The following LRFN5 variants were observed in gnomAD, a reference collection of about 807,000 sequenced individuals.
The protein encoded by LRFN5 is leucine-rich repeat and fibronectin type-III domain-containing protein 5.
LRFN5 carries 24 observed loss-of-function variants against 45.6 expected under a neutral mutation model. The ratio of observed to expected loss-of-function variants is 0.53; its 90% CI spans 0.38 to 0.74. The LOEUF (loss-of-function observed/expected upper bound fraction) is 0.74. Among genes scored for constraint, LRFN5 ranks in the 30% least tolerant of loss-of-function variants. The pLI is 0.00. For synonymous variants in LRFN5, 340 were observed against 313.8 expected (o/e 1.08, Z -0.88); for missense variants, 776 against 861.5 (o/e 0.90, Z 1.24).
intron 1 of LRFN5, among the ~76,000 whole-genome samples, chr14:41,653,578 A>G (rs1880233286): frequency 6.6e-6 from 1 of 152,176 alleles, no homozygotes; most frequent in African/African-American, 2.4e-5. Flanking sequence ...AGAGGGAGAA[A>G]CTGAGTTCAG....
At chr14:41,889,116 A>C (rs3032304) in intron 3 of LRFN5, among the ~76,000 whole-genome samples, 92,285 of 145,218 alleles carry the variant, frequency 0.64, 29,027 homozygotes, top group Middle Eastern at 0.76. Context: ...ATATGTCTCT[A>C]TATATATATA....
At chr14:41,755,613 G>T (rs1427199398) in intron 1 of LRFN5, among the ~76,000 whole-genome samples, 2 of 151,938 alleles carry the variant, frequency 1.3e-5, no homozygotes, top group Non-Finnish European at 2.9e-5. Flanking sequence ...TTTTCCATTT[G>T]CTTGGTAGAT....
chr14:41,651,202 TTTTTAACA>T (rs1351197343), intron 1 of LRFN5, among the ~76,000 whole-genome samples: 1 of 152,152 alleles, frequency 6.6e-6, no homozygotes, highest in Non-Finnish European at 1.5e-5. Flanking sequence ...CTCTCATGGA[TTTTTAACA>T]ACCAGAAACA....
intron 1 of LRFN5, among the ~76,000 whole-genome samples, chr14:41,702,277 G>T (rs1882870288): frequency 6.6e-6 from 1 of 152,074 alleles, no homozygotes. Context: ...GCTCAAGGTG[G>T]CACATGCAGG....
intron 1 of LRFN5, among the ~76,000 whole-genome samples, chr14:41,687,310 C>T (rs570126118): frequency 3.8e-4 from 58 of 152,134 alleles, no homozygotes; most frequent in Admixed American, 9.8e-4. Flanking sequence ...ACAGTCAGAA[C>T]GGCAATTATT....
chr14:41,861,432 G>A (rs1490405911), intron 2 of LRFN5, among the ~76,000 whole-genome samples: 2 of 152,116 alleles, frequency 1.3e-5, no homozygotes, highest in African/African-American at 2.4e-5. Context: ...TTATTCAACA[G>A]GTTAATACAT....
intron 4 of LRFN5, among the ~76,000 whole-genome samples, chr14:41,898,563 T>C (rs544711898): frequency 2.6e-5 from 4 of 152,062 alleles, no homozygotes; most frequent in Admixed American, 6.6e-5. Context: ...TGAATCTATA[T>C]AGATGAAATG....
intron 1 of LRFN5, among the ~76,000 whole-genome samples, chr14:41,705,432 A>G (rs888721006): frequency 6.6e-6 from 1 of 152,210 alleles, no homozygotes; most frequent in African/African-American, 2.4e-5. Context: ...GAAATAATAC[A>G]TACTATTTTG....
At chr14:41,670,626 A>AT (rs1566612703) in intron 1 of LRFN5, among the ~76,000 whole-genome samples, 1 of 151,736 alleles carries the variant, frequency 6.6e-6, no homozygotes, top group African/African-American at 2.4e-5. Context: ...TCTGAATTTA[A>AT]TTTTTTTGAA....
intron 1 of LRFN5, among the ~76,000 whole-genome samples, chr14:41,765,884 T>C (rs1373499907): frequency 6.6e-6 from 1 of 152,192 alleles, no homozygotes; most frequent in Non-Finnish European, 1.5e-5. Flanking sequence ...TTTAAATAAA[T>C]TCCTAATTAT....
intron 1 of LRFN5, among the ~76,000 whole-genome samples, chr14:41,620,482 A>T (rs1888085843): frequency 6.6e-6 from 1 of 152,056 alleles, no homozygotes; most frequent in African/African-American, 2.4e-5. Flanking sequence ...CTTATTAAGG[A>T]CATGTTCGAA....
chr14:41,808,553 G>A (rs1394406319), intron 2 of LRFN5, among the ~76,000 whole-genome samples: 9 of 44,990 alleles, frequency 2.0e-4, no homozygotes, highest in Non-Finnish European at 3.3e-4. Context: ...GAGGGATGAA[G>A]GAAGGAAGGA....
intron 1 of LRFN5, among the ~76,000 whole-genome samples, chr14:41,733,157 T>G (rs1304935904): frequency 2.0e-5 from 3 of 151,918 alleles, no homozygotes; most frequent in Non-Finnish European, 4.4e-5. Context: ...AGAGAGAATG[T>G]TTGAAGAAAT....
At chr14:41,705,186 T>A (rs1566629187) in intron 1 of LRFN5, among the ~76,000 whole-genome samples, 1 of 149,630 alleles carries the variant, frequency 6.7e-6, no homozygotes, top group Non-Finnish European at 1.5e-5. Flanking sequence ...AATGCAAAAA[T>A]AAAAAAAAAA....
chr14:41,881,608 C>G (rs140881445), intron 2 of LRFN5, among the ~76,000 whole-genome samples: 5 of 152,098 alleles, frequency 3.3e-5, no homozygotes, highest in African/African-American at 9.6e-5. Flanking sequence ...CCCATTCTCC[C>G]TTTCTTTCTG....
chr14:41,608,396 C>T lies in LRFN5; in HGVS notation c.-363C>T, dbSNP rs1191871424. On this transcript the variant is annotated 5_prime_UTR_variant, in exon 1 of 6. Transcript: ENST00000298119. Reference sequence around the variant, plus strand: ...GGGCAGCGGCGGCAGTGGCAGGAGCCGCCTTTCCGATTCCCTACGATGCGG... The same window carrying T: ...GGGCAGCGGCGGCAGTGGCAGGAGCTGCCTTTCCGATTCCCTACGATGCGG... The T allele has an allele frequency of 1.3e-5, 2 of 152,642 alleles. No homozygotes were observed. The highest frequency in any genetic ancestry group is 2.4e-5 in the African/African-American group (1 of 41,432). 9.5% of individuals were successfully genotyped at this position (152,642 alleles called of 1,614,324 possible).
intron 1 of LRFN5, among the ~76,000 whole-genome samples, chr14:41,708,777 A>G (rs1279658153): frequency 2.0e-5 from 3 of 151,848 alleles, no homozygotes; most frequent in African/African-American, 7.3e-5. Flanking sequence ...GCTAGATACA[A>G]GATACAGAGG....
intron 2 of LRFN5, among the ~76,000 whole-genome samples, chr14:41,799,440 C>T (rs1887248034): frequency 6.6e-6 from 1 of 151,900 alleles, no homozygotes; most frequent in African/African-American, 2.4e-5. Flanking sequence ...TTTTCTACTG[C>T]ACATTTCACT....
At chr14:41,711,150 A>G (rs963817923) in intron 1 of LRFN5, among the ~76,000 whole-genome samples, 1 of 152,196 alleles carries the variant, frequency 6.6e-6, no homozygotes, top group Admixed American at 6.5e-5. Flanking sequence ...ATCTTACTAC[A>G]AAGATGAAAA....
Sources: allele counts gnomAD v4.1 joint callset (sites outside exome capture counted in the v4.1 genomes callset), GRCh38; gene constraint gnomAD v4.1.1; transcripts MANE v1.5; gene names NCBI Gene and HGNC (gene_info 2026-07-23, HGNC 2026-07-21).